The following CYP46A1 variants were observed in gnomAD, a reference collection of about 807,000 sequenced individuals.
CYP46A1 encodes cholesterol 24-hydroxylase.
In CYP46A1, 20 loss-of-function variants were observed where a neutral mutation model predicts 63.3. The observed-to-expected ratio is 0.32, with a 90% CI of 0.22 to 0.46. The LOEUF (loss-of-function observed/expected upper bound fraction) is 0.46, where lower values mean the gene tolerates loss of function less well. CYP46A1 is among the 20% of genes least tolerant of loss of function. CYP46A1 has a pLI of 1.00. For missense variants in CYP46A1, 445 were observed against 670.8 expected (o/e 0.66, Z 3.72); for synonymous variants, 268 against 273.6 (o/e 0.98, Z 0.20).
At chr14:99,700,930 G>A (rs1255874378) in intron 5 of CYP46A1, among the ~76,000 whole-genome samples, 1 of 152,180 alleles carries the variant, frequency 6.6e-6, no homozygotes, top group Non-Finnish European at 1.5e-5. Context: ...GGAGGTGGAA[G>A]GCAGTGATAT....
chr14:99,709,024 C>T (rs1474705266), intron 7 of CYP46A1: 1 of 152,080 alleles, frequency 6.6e-6, no homozygotes, highest in Non-Finnish European at 1.5e-5. Flanking sequence ...AGCCAAAGCA[C>T]CCTACCCACC....
chr14:99,684,588 G>A (rs1161503577), intron 1 of CYP46A1, 52 bp downstream of exon 1: 24 of 1,387,056 alleles, frequency 1.7e-5, no homozygotes, highest in African/African-American at 5.9e-5. Context: ...CTGGGGGCCT[G>A]GGGACAGCGT....
Position 99,726,840 on chromosome 14 carries a change from G to T in CYP46A1, c.*113G>T, listed in dbSNP as rs1300130999. The T allele has an allele frequency of 1.1e-6, 1 of 919,656 alleles. No homozygotes were observed. The highest frequency in any genetic ancestry group is 3.0e-5 in the East Asian group (1 of 33,536). The allele number at this position is 919,656 out of a possible 1,614,324, so 57.0% of individuals were successfully genotyped here. ...CCCCGTCCCCTGGGCCACCCTTCAC[G>T]CTGGCTTCCAGCGGGCCCTCTGCCG... On this transcript the variant is annotated 3_prime_UTR_variant, in exon 15 of 15. Coordinates refer to ENST00000261835, the MANE Select transcript of CYP46A1 (RefSeq NM_006668.2).
chr14:99,720,783 A>G (rs2056838938), intron 10 of CYP46A1, among the ~76,000 whole-genome samples: 1 of 152,048 alleles, frequency 6.6e-6, no homozygotes, highest in Non-Finnish European at 1.5e-5. Flanking sequence ...CCATCGCTGG[A>G]TCTCTTTAAC....
chr14:99,712,163 T>C (rs1026564098), intron 7 of CYP46A1: 1 of 152,124 alleles, frequency 6.6e-6, no homozygotes, highest in African/African-American at 2.4e-5. Flanking sequence ...GTATATGATA[T>C]ACCCACAGCT....
intron 10 of CYP46A1, among the ~76,000 whole-genome samples, chr14:99,719,049 G>A (rs2056819392): frequency 6.6e-6 from 1 of 151,932 alleles, no homozygotes; most frequent in Non-Finnish European, 1.5e-5. Context: ...TATTCCCCAT[G>A]AGCCTTATCA....
At position 99,726,166 on chromosome 14, in the gene CYP46A1, C is replaced by G. The variant is rs780207874; in HGVS notation, c.1266-24C>G. The G allele has an allele frequency of 2.5e-6, 4 of 1,610,010 alleles. No homozygotes were observed. In the South Asian group the frequency reaches 3.3e-5, roughly 13 times the overall value. ...TGGGGACGCCTGGGGCTGCTGGCCT[C>G]GTGATTCCTCTCTTTCCCTGCAGGC... On this transcript the variant is annotated intron_variant, in intron 13 of 14. Coordinates refer to ENST00000261835, the MANE Select transcript of CYP46A1 (RefSeq NM_006668.2).
intron 3 of CYP46A1, 45 bp downstream of exon 3, chr14:99,691,906 T>C (rs772163206): frequency 1.3e-6 from 2 of 1,587,008 alleles, no homozygotes; most frequent in South Asian, 2.2e-5. Context: ...CTGCCTTTCC[T>C]TGGGTTGGGG....
intron 5 of CYP46A1, among the ~76,000 whole-genome samples, chr14:99,703,061 G>T (rs2056645642): frequency 6.6e-6 from 1 of 152,156 alleles, no homozygotes; most frequent in Admixed American, 6.5e-5. Flanking sequence ...TCTTCAGTTT[G>T]AATTTGTCAG....
At chr14:99,719,928 A>AT (rs1186364743) in intron 10 of CYP46A1, among the ~76,000 whole-genome samples, 3 of 150,960 alleles carry the variant, frequency 2.0e-5, no homozygotes, top group South Asian at 2.1e-4. Flanking sequence ...TGCCTGGCTA[A>AT]TTTTTTTTGT....
At chr14:99,705,648 C>T (rs573245745) in intron 5 of CYP46A1, among the ~76,000 whole-genome samples, 8 of 152,346 alleles carry the variant, frequency 5.3e-5, no homozygotes, top group Admixed American at 2.0e-4. Flanking sequence ...TTTCTAGGTC[C>T]GGGTGCAGTG....
At chr14:99,721,868 A>C in intron 11 of CYP46A1, 88 bp from the exon 12 acceptor site, 2 of 1,067,112 alleles carry the variant, frequency 1.9e-6, no homozygotes, top group Non-Finnish European at 1.4e-6. Flanking sequence ...GTGGGTGGGA[A>C]AGACAGGGGT....
intron 7 of CYP46A1, chr14:99,713,335 CAGG>C (rs1473081898): frequency 1.3e-5 from 2 of 151,706 alleles, no homozygotes; most frequent in African/African-American, 2.4e-5. Flanking sequence ...GAGGCTGAGG[CAGG>C]AGAATCACTT....
chr14:99,689,388 G>A (rs2056524060), intron 1 of CYP46A1, among the ~76,000 whole-genome samples: 1 of 152,204 alleles, frequency 6.6e-6, no homozygotes, highest in Non-Finnish European at 1.5e-5. Context: ...TTACCTCTTG[G>A]GGAAACAGGT....
At chr14:99,723,068 A>G in intron 12 of CYP46A1, 1 of 288,724 alleles carries the variant, frequency 3.5e-6, no homozygotes, top group Non-Finnish European at 7.3e-6. Context: ...TCCAGCACTT[A>G]GCATGGTCCG....
chr14:99,686,930 C>G (rs2056499406), intron 1 of CYP46A1, among the ~76,000 whole-genome samples: 1 of 152,194 alleles, frequency 6.6e-6, no homozygotes, highest in Non-Finnish European at 1.5e-5. Flanking sequence ...AAACCCGATG[C>G]CTTGACATTA....
chr14:99,722,096 G>T lies in CYP46A1; in HGVS notation c.1176+30G>T. ...GTGGAGGCCCTGGGGGTCCTGGGGT[G>T]GGCTGGGCTGCTTGCCCCAATGGTG... On this transcript the variant is annotated intron_variant, in intron 12 of 14. Transcript: ENST00000261835. This position sits in a 1 kb window ranked among gnomAD's most constrained non-coding sequence, Gnocchi z 4.6. The T allele has an allele frequency of 1.3e-6, 2 of 1,551,000 alleles. No homozygotes were observed. Among genetic ancestry groups the T allele is most frequent in the Non-Finnish European group, 1.8e-6 (2 of 1,129,134 alleles).
At chr14:99,705,852 G>A (rs950152453) in intron 5 of CYP46A1, 10 of 152,252 alleles carry the variant, frequency 6.6e-5, no homozygotes, top group East Asian at 1.9e-4. Context: ...TTGAACCCAG[G>A]AGGCAGAGGT....
intron 7 of CYP46A1, 39 bp downstream of exon 7, chr14:99,707,717 A>T: frequency 1.3e-6 from 2 of 1,567,354 alleles, no homozygotes; most frequent in Non-Finnish European, 1.8e-6. Flanking sequence ...CAGCCACCAG[A>T]GCTGTTGTCT....
Sources: gnomAD v4.1 joint callset for allele counts (sites outside exome capture counted in the v4.1 genomes callset) on GRCh38, gnomAD v4.1.1 for gene constraint, Gnocchi (gnomAD v3.1) non-coding constraint, MANE v1.5 for transcripts, NCBI Gene and HGNC (gene_info 2026-07-23, HGNC 2026-07-21) for gene names.